The following MROH7 variants were observed in gnomAD, a reference collection of about 807,000 sequenced individuals.
The protein encoded by MROH7 is maestro heat-like repeat-containing protein family member 7.
MROH7 carries 113 observed loss-of-function variants against 129.2 expected under a neutral mutation model. The observed-to-expected ratio is 0.87, with a 90% CI of 0.75 to 1.02. The LOEUF (loss-of-function observed/expected upper bound fraction) is 1.02. MROH7 is among the 50% of genes least tolerant of loss of function. The probability of loss-of-function intolerance (pLI) is 0.00; values close to 1 mark genes in which losing one functional copy is unlikely to be tolerated. For synonymous variants in MROH7, 655 were observed against 667.9 expected (o/e 0.98, Z 0.30); for missense variants, 1,601 against 1,671.3 (o/e 0.96, Z 0.73).
intron 3 of MROH7, 53 bp downstream of exon 3, chr1:54,654,210 C>A: frequency 6.8e-7 from 1 of 1,481,382 alleles, no homozygotes; most frequent in Non-Finnish European, 9.0e-7. Flanking sequence ...GGAATTCTGT[C>A]TTCAGACTCT....
At chr1:54,664,204 G>A (rs557569916) in intron 3 of MROH7, 2 of 154,824 alleles carry the variant, frequency 1.3e-5, no homozygotes, top group Non-Finnish European at 1.4e-5. Flanking sequence ...ACATGGAATA[G>A]GGTGCACCCA....
In MROH7 at chr1:54,703,668, A is replaced by G. The variant is rs1467689766; in HGVS notation, c.3564+923A>G. Among the ~76,000 whole-genome samples the G allele has an allele frequency of 3.9e-5, 6 of 152,022 alleles. No individual in the cohort carries two copies. The highest frequency in any genetic ancestry group is 3.9e-4 in the Admixed American group (6 of 15,274). On this transcript the variant is annotated intron_variant, in intron 21 of 23. Transcript: ENST00000421030. The surrounding 1 kb of genome is among the most constrained non-coding windows in gnomAD (Gnocchi z 4.4). ...CGCATACACACACACACACAAGCAC[A>G]ACTCTGCAGGATACAGCCTAGTCCT... is the stretch of plus-strand genomic sequence containing the variant.
intron 7 of MROH7, among the ~76,000 whole-genome samples, chr1:54,672,084 G>A (rs1434359384): frequency 6.6e-6 from 1 of 152,116 alleles, no homozygotes; most frequent in Non-Finnish European, 1.5e-5. Flanking sequence ...AGGGTGAGGT[G>A]AGAGTTCTGG....
At chr1:54,678,230 T>G (rs1645012590) in intron 10 of MROH7, among the ~76,000 whole-genome samples, 1 of 152,076 alleles carries the variant, frequency 6.6e-6, no homozygotes, top group African/African-American at 2.4e-5. Context: ...GTAGATATAC[T>G]CATCAAAAGA....
chr1:54,692,218 G>A lies in MROH7; in HGVS notation c.2712-206G>A, dbSNP rs565832659. Reference sequence around the variant, plus strand: ...GTAAAAGCACAGCCTTCATAGGGAGGTGGACTTTGCTTCTGTTTCCTCTCT... The same window carrying A: ...GTAAAAGCACAGCCTTCATAGGGAGATGGACTTTGCTTCTGTTTCCTCTCT... On this transcript the variant is annotated intron_variant, in intron 15 of 23. Coordinates refer to ENST00000421030, the MANE Select transcript of MROH7 (RefSeq NM_001039464.4). Among the ~76,000 whole-genome samples, 27 of 152,324 alleles carry A rather than the reference G, an allele frequency of 1.8e-4. No individual in the cohort carries two copies. In the South Asian group the frequency reaches 5.6e-3, roughly 32 times the overall value.
At chr1:54,646,238 C>CA (rs1644465145) in intron 1 of MROH7, among the ~76,000 whole-genome samples, 2 of 152,238 alleles carry the variant, frequency 1.3e-5, no homozygotes, top group African/African-American at 4.8e-5. Flanking sequence ...CTGACATTGC[C>CA]ACTGCAGGTT....
intron 3 of MROH7, among the ~76,000 whole-genome samples, chr1:54,659,595 A>T (rs1644701693): frequency 6.6e-6 from 1 of 152,168 alleles, no homozygotes; most frequent in Non-Finnish European, 1.5e-5. Flanking sequence ...CTGGAATTAC[A>T]GGCGCTAGCC....
At chr1:54,701,353 G>A (rs1276789451) in intron 19 of MROH7, 31 bp downstream of exon 19, 3 of 1,526,998 alleles carry the variant, frequency 2.0e-6, no homozygotes, top group Non-Finnish European at 2.6e-6. Flanking sequence ...AGGAGCAGGA[G>A]GGATCGAGAA....
Position 54,665,241 on chromosome 1 carries a change from G to A in MROH7, c.1305+1G>A, listed in dbSNP as rs777956912. 1.2e-5 allele frequency: 19 copies of A among 1,612,984 alleles called. No homozygotes were observed. In the African/African-American group the frequency reaches 2.1e-4, roughly 18 times the overall value. The stretch of plus-strand genomic sequence containing the variant: ...AGAAGGTGGCAACAACATGGCTCTG[G>A]TATGCCTCCTGCCCAACCCCTAGCT... On this transcript the variant is annotated splice_donor_variant, in intron 4 of 23. Transcript: ENST00000421030. LOFTEE classifies it high-confidence loss of function.
chr1:54,650,726 A>G (rs1569854256), intron 1 of MROH7, among the ~76,000 whole-genome samples: 1 of 137,470 alleles, frequency 7.3e-6, no homozygotes, highest in African/African-American at 2.7e-5. Context: ...CGCCATCCCG[A>G]TTTTTTTTTT....
At chr1:54,678,356 C>T (rs1248025956) in intron 10 of MROH7, among the ~76,000 whole-genome samples, 1 of 152,174 alleles carries the variant, frequency 6.6e-6, no homozygotes, top group Non-Finnish European at 1.5e-5. Context: ...AATTATACAG[C>T]ACTGAGAATG....
At chr1:54,674,619 C>G (rs1199788605) in intron 10 of MROH7, among the ~76,000 whole-genome samples, 1 of 152,178 alleles carries the variant, frequency 6.6e-6, no homozygotes, top group African/African-American at 2.4e-5. Flanking sequence ...GAATAAAGAA[C>G]AGCTTCTGTC....
Position 54,701,341 on chromosome 1 carries a change from G to A in MROH7, c.3285+19G>A, listed in dbSNP as rs1645432986. ...CAGCGACGTGAGGACCTCACAGAGCGAAGGAGCAGGAGGGATCGAGAAGGG... is the reference window on the plus strand; with the variant it reads ...CAGCGACGTGAGGACCTCACAGAGCAAAGGAGCAGGAGGGATCGAGAAGGG... On this transcript the variant is annotated intron_variant, in intron 19 of 23. Coordinates refer to ENST00000421030, the MANE Select transcript of MROH7 (RefSeq NM_001039464.4). 7.0e-6 allele frequency: 11 copies of A among 1,566,666 alleles called. No individual in the cohort carries two copies. The South Asian group carries it at 8.4e-5, about 12-fold the overall frequency.
Position 54,659,519 on chromosome 1 carries a change from A to T in MROH7, c.1231+5362A>T, listed in dbSNP as rs181862514. Among the ~76,000 whole-genome samples the T allele has an allele frequency of 2.4e-3, 355 of 147,598 alleles. 1 individual carries two copies. Among genetic ancestry groups the T allele is most frequent in the African/African-American group, 8.7e-3 (344 of 39,532 alleles). On this transcript the variant is annotated intron_variant, in intron 3 of 23. Coordinates refer to ENST00000421030, the MANE Select transcript of MROH7 (RefSeq NM_001039464.4). ...GCCCAGGCTGGAGTGCAATGGCATGATCTCGGCTCACCACAACCTCTGCCT... is the reference window on the plus strand; with the variant it reads ...GCCCAGGCTGGAGTGCAATGGCATGTTCTCGGCTCACCACAACCTCTGCCT...
intron 21 of MROH7, 75 bp from the exon 22 acceptor site, chr1:54,706,360 C>T (rs1319695651): frequency 2.7e-6 from 3 of 1,099,858 alleles, no homozygotes; most frequent in Middle Eastern, 2.0e-4. Flanking sequence ...GTCACCATTC[C>T]TAGCTTCAAG....
At position 54,665,170 on chromosome 1, in the gene MROH7, C is replaced by T. The variant is rs774157644; in HGVS notation, c.1235C>T (p.Ala412Val). ...AVTLQGIPEG[A>V]FDEVTSCLVK... Reference sequence around the variant, plus strand: ...TCATTGAAATCGTGCCCTGCAGGAGCCTTTGATGAAGTGACCTCATGCCTG... The same window carrying T: ...TCATTGAAATCGTGCCCTGCAGGAGTCTTTGATGAAGTGACCTCATGCCTG... Residue 412 changes from alanine (A) to valine (V), a missense_variant, in exon 4 of 24, where the codon GCC (alanine) becomes GTC (valine). Coordinates refer to ENST00000421030, the MANE Select transcript of MROH7 (RefSeq NM_001039464.4). 6 of 1,613,526 alleles carry T rather than the reference C, an allele frequency of 3.7e-6. No individual in the cohort carries two copies. Among genetic ancestry groups the T allele is most frequent in the Non-Finnish European group, 5.1e-6 (6 of 1,179,700 alleles).
At chr1:54,668,520 T>C (rs1465641395) in intron 4 of MROH7, among the ~76,000 whole-genome samples, 2 of 152,156 alleles carry the variant, frequency 1.3e-5, no homozygotes, top group Admixed American at 6.6e-5. Flanking sequence ...GGGAGACCCA[T>C]ATGAAGTGTT....
chr1:54,695,572 C>A, intron 17 of MROH7, 82 bp downstream of exon 17: 1 of 862,012 alleles, frequency 1.2e-6, no homozygotes, highest in Non-Finnish European at 1.9e-6. Flanking sequence ...CCTATGTAAA[C>A]AGTACTTTAT....
chr1:54,654,147 C>T lies in MROH7; in HGVS notation c.1221C>T (p.Gly407=). The T allele has an allele frequency of 6.2e-7, 1 of 1,608,520 alleles. No homozygotes were observed. Among genetic ancestry groups the T allele is most frequent in the African/African-American group, 1.3e-5 (1 of 74,990 alleles). ...GCAAGGACGCCGTGACCTTGCAAGG[C>T]ATCCCTGAGGGTAAGGCCAGGGCCG... ...PAGKDAVTLQ[G]IPEGAFDEVT... The change falls in exon 3 of 24, where the codon GGC becomes GGT. Residue 407 remains glycine, a synonymous_variant. Transcript: ENST00000421030.
Sources: allele counts gnomAD v4.1 joint callset (sites outside exome capture counted in the v4.1 genomes callset), GRCh38; gene constraint gnomAD v4.1.1; non-coding constraint Gnocchi (gnomAD v3.1); transcripts MANE v1.5; gene names NCBI Gene and HGNC (gene_info 2026-07-23, HGNC 2026-07-21).